ALPK1: variants seen among roughly 807,000 people sequenced by gnomAD.
ALPK1 encodes alpha kinase 1, also known as alpha-protein kinase 1.
ALPK1 carries 110 observed loss-of-function variants against 120.6 expected under a neutral mutation model. The observed-to-expected ratio is 0.91, with a 90% CI of 0.78 to 1.07. ALPK1 has a LOEUF of 1.07. Among genes scored for constraint, ALPK1 ranks in the 50% least tolerant of loss-of-function variants. The pLI, the probability that ALPK1 is intolerant of heterozygous loss-of-function variation, is 0.00. For missense variants in ALPK1, 1,498 were observed against 1,483.9 expected, an observed-to-expected ratio of 1.01 and a Z score of -0.16; for synonymous variants, 582 against 560.3, an observed-to-expected ratio of 1.04 and a Z score of -0.55.
chr4:112,435,274 A>T lies in ALPK1; in HGVS notation c.3161A>T (p.His1054Leu). 1 of 1,611,172 alleles carries T rather than the reference A, an allele frequency of 6.2e-7. No homozygotes were observed. The highest frequency in any genetic ancestry group is 8.5e-7 in the Non-Finnish European group (1 of 1,179,286). Reference protein sequence around the residue: ...GRQRNAFWVHHLHQEEILGRY... With the variant: ...GRQRNAFWVHLLHQEEILGRY... ...CAAAGAAATGCTTTTTGGGTTCATC[A>T]TCTTCATCAAGAAGAAATTCTGGGG... Residue 1054 changes from histidine (H) to leucine (L), a missense_variant, in exon 12 of 16, where the codon CAT becomes CTT. By Grantham distance (99) the His-to-Leu change is moderately conservative (BLOSUM62 -3). Transcript: ENST00000650871.
chr4:112,399,352 G>T (rs1189712612), intron 4 of ALPK1, among the ~76,000 whole-genome samples: 1 of 152,144 alleles, frequency 6.6e-6, no homozygotes, highest in Non-Finnish European at 1.5e-5. Context: ...TCTTCTAGGA[G>T]TTTGAATAAT....
Position 112,360,171 on chromosome 4 carries a change from G to A in ALPK1, c.-100-17507G>A, listed in dbSNP as rs533212464. 6.6e-5 allele frequency among the ~76,000 whole-genome samples: 10 copies of A among 152,112 alleles called. No individual in the cohort carries two copies. The East Asian group carries it at 1.2e-3, about 18-fold the overall frequency. ...ATTTCACAAATATGTGAGATCATAT[G>A]TTATTTGTCTTTCTGTATCTGTCTT... is the stretch of plus-strand genomic sequence containing the variant. On this transcript the variant is annotated intron_variant, in intron 2 of 15. Transcript: ENST00000650871.
intron 2 of ALPK1, chr4:112,343,713 G>A (rs1004378002): frequency 6.6e-6 from 1 of 152,162 alleles, no homozygotes; most frequent in African/African-American, 2.4e-5. Context: ...TTTGGCTGGG[G>A]GTTGTGCTGT....
chr4:112,301,200 C>G (rs1727774141), intron 1 of ALPK1, among the ~76,000 whole-genome samples: 1 of 151,954 alleles, frequency 6.6e-6, no homozygotes, highest in South Asian at 2.1e-4. Flanking sequence ...GAGGTCATGC[C>G]CCAAATAATT....
chr4:112,420,624 G>A (rs1428015188), intron 5 of ALPK1, among the ~76,000 whole-genome samples: 1 of 152,056 alleles, frequency 6.6e-6, no homozygotes, highest in African/African-American at 2.4e-5. Context: ...CAAAAGCGGG[G>A]GAAATGAGAG....
chr4:112,367,493 C>T, intron 2 of ALPK1, among the ~76,000 whole-genome samples: 1 of 152,076 alleles, frequency 6.6e-6, no homozygotes, highest in East Asian at 1.9e-4. Flanking sequence ...TACAGCATAA[C>T]AACTATTTAC....
chr4:112,404,531 A>G (rs898009296), intron 4 of ALPK1, among the ~76,000 whole-genome samples: 1 of 152,366 alleles, frequency 6.6e-6, no homozygotes, highest in Non-Finnish European at 1.5e-5. Context: ...TGAGATACTC[A>G]TGGTTTCATC....
chr4:112,377,768 C>T lies in ALPK1; in HGVS notation c.-10C>T, dbSNP rs780633674. ...CTAGACCCAGGGACACCCAATTCAT[C>T]GTAATCATCATGAATAATCAAAAAG... On this transcript the variant is annotated 5_prime_UTR_variant, in exon 3 of 16. Coordinates refer to ENST00000650871, the MANE Select transcript of ALPK1 (RefSeq NM_025144.4). 31 of 1,603,102 alleles carry T rather than the reference C, an allele frequency of 1.9e-5. 1 individual carries two copies. In the East Asian group the frequency reaches 4.7e-4, roughly 24 times the overall value.
At chr4:112,427,459 T>C in intron 8 of ALPK1, 111 bp from the exon 9 acceptor site, 1 of 472,488 alleles carries the variant, frequency 2.1e-6, no homozygotes, top group Non-Finnish European at 3.7e-6. Context: ...AATAAAATAT[T>C]AATAGGCAAA....
intron 4 of ALPK1, among the ~76,000 whole-genome samples, chr4:112,392,653 A>G (rs536344220): frequency 1.0e-3 from 155 of 152,268 alleles, no homozygotes; most frequent in Non-Finnish European, 1.7e-3. Flanking sequence ...CAGCCTCCCA[A>G]GTAGCTGGGA....
chr4:112,358,053 G>C, intron 2 of ALPK1: 1 of 588,716 alleles, frequency 1.7e-6, no homozygotes, highest in Non-Finnish European at 3.2e-6. Context: ...ATCATCACGG[G>C]CCTCCATAGC....
chr4:112,349,555 C>CG (rs1553939372), intron 2 of ALPK1, among the ~76,000 whole-genome samples: 7 of 142,584 alleles, frequency 4.9e-5, no homozygotes, highest in Non-Finnish European at 7.6e-5. Flanking sequence ...ACCCCTGCCC[C>CG]CCCCCGCTTT....
chr4:112,409,532 T>A (rs1436174760), intron 4 of ALPK1, among the ~76,000 whole-genome samples: 1 of 151,996 alleles, frequency 6.6e-6, no homozygotes, highest in African/African-American at 2.4e-5. Context: ...CCCAAAATTA[T>A]ATAGACGTCC....
At chr4:112,401,701 G>T (rs1402258088) in intron 4 of ALPK1, among the ~76,000 whole-genome samples, 1 of 152,158 alleles carries the variant, frequency 6.6e-6, no homozygotes, top group East Asian at 1.9e-4. Flanking sequence ...GATTCACAGG[G>T]ATCCTGGTGA....
chr4:112,401,442 T>C (rs1207459206), intron 4 of ALPK1, among the ~76,000 whole-genome samples: 1 of 152,198 alleles, frequency 6.6e-6, no homozygotes, highest in Non-Finnish European at 1.5e-5. Context: ...TAAATTGAGA[T>C]TCTTAAATGC....
At chr4:112,360,373 T>C (rs1730860169) in intron 2 of ALPK1, among the ~76,000 whole-genome samples, 1 of 152,218 alleles carries the variant, frequency 6.6e-6, no homozygotes, top group Admixed American at 6.5e-5. Flanking sequence ...TTGTGAATAA[T>C]GCGGCCATGA....
chr4:112,307,584 G>A (rs1728153182), intron 1 of ALPK1, among the ~76,000 whole-genome samples: 1 of 151,920 alleles, frequency 6.6e-6, no homozygotes, highest in Admixed American at 6.6e-5. Flanking sequence ...GCCTTTTTCT[G>A]TATTCCATTT....
intron 2 of ALPK1, among the ~76,000 whole-genome samples, chr4:112,327,720 C>T (rs188011033): frequency 4.4e-4 from 67 of 152,304 alleles, no homozygotes; most frequent in African/African-American, 1.4e-3. Context: ...ACTGGGATTA[C>T]AGCTGTGAGC....
chr4:112,375,747 ATT>A (rs369871364), intron 2 of ALPK1, among the ~76,000 whole-genome samples: 30 of 142,558 alleles, frequency 2.1e-4, no homozygotes, highest in Non-Finnish European at 1.9e-4. Context: ...TCTTCAAGAA[ATT>A]TTTTTTTTTT....
Sources: allele counts gnomAD v4.1 joint callset (sites outside exome capture counted in the v4.1 genomes callset), GRCh38; gene constraint gnomAD v4.1.1; transcripts MANE v1.5; gene names NCBI Gene and HGNC (gene_info 2026-07-23, HGNC 2026-07-21).